The following TANC2 variants were observed in gnomAD, a reference collection of about 807,000 sequenced individuals.
TANC2 encodes tetratricopeptide repeat, ankyrin repeat and coiled-coil containing 2.
A neutral mutation model predicts 210.5 loss-of-function variants in TANC2; 26 were observed. The ratio of observed to expected loss-of-function variants is 0.12; its 90% CI spans 0.09 to 0.17. The LOEUF is 0.17. TANC2 is among the 10% of genes least tolerant of loss of function. The pLI is 1.00. For missense variants in TANC2, 2,129 were observed against 2,608.9 expected (o/e 0.82, Z 4.01); for synonymous variants, 931 against 967.1 (o/e 0.96, Z 0.69).
chr17:63,062,642 G>T (rs540093064), intron 2 of TANC2, among the ~76,000 whole-genome samples: 1 of 152,110 alleles, frequency 6.6e-6, no homozygotes, highest in East Asian at 1.9e-4. Flanking sequence ...ACACCCTATT[G>T]CTCCCCAGCC....
At chr17:63,083,354 AG>A (rs1228771703) in intron 3 of TANC2, among the ~76,000 whole-genome samples, 1 of 152,188 alleles carries the variant, frequency 6.6e-6, no homozygotes, top group African/African-American at 2.4e-5. Flanking sequence ...TAAGAGAAAA[AG>A]ATTCCCTTCT....
intron 4 of TANC2, among the ~76,000 whole-genome samples, chr17:63,140,321 C>T (rs147633966): frequency 1.4e-3 from 210 of 152,270 alleles, no homozygotes; most frequent in African/African-American, 4.9e-3. Context: ...ACTATATTGC[C>T]ATAACAAACC....
intron 5 of TANC2, among the ~76,000 whole-genome samples, chr17:63,185,840 G>T (rs989249291): frequency 1.3e-5 from 2 of 151,974 alleles, no homozygotes; most frequent in Non-Finnish European, 2.9e-5. Context: ...TTTTTAATTG[G>T]ATTGTCTTTC....
chr17:63,341,904 G>A (rs1489970888), intron 12 of TANC2, among the ~76,000 whole-genome samples: 1 of 152,160 alleles, frequency 6.6e-6, no homozygotes, highest in Admixed American at 6.5e-5. Flanking sequence ...ATTATTCACT[G>A]TTATCCTTAG....
chr17:62,990,982 A>C (rs1332805397), intron 1 of TANC2, among the ~76,000 whole-genome samples: 1 of 152,218 alleles, frequency 6.6e-6, no homozygotes, highest in Non-Finnish European at 1.5e-5. Context: ...GAAAAGGGTC[A>C]GTTGAGATTT....
chr17:63,041,075 C>CA (rs1258628457), intron 2 of TANC2, among the ~76,000 whole-genome samples: 2 of 151,872 alleles, frequency 1.3e-5, no homozygotes, highest in African/African-American at 4.8e-5. Flanking sequence ...TTACTGTAGA[C>CA]AAAAATAATA....
chr17:63,398,861 A>C (rs1374165658), exon 19 of TANC2: 1 of 1,597,874 alleles, frequency 6.3e-7, no homozygotes, highest in South Asian at 1.1e-5. Flanking sequence ...AAAGATGAAG[A>C]GGAAGTAGAG....
intron 9 of TANC2, among the ~76,000 whole-genome samples, chr17:63,296,317 A>G (rs1410111558): frequency 6.6e-6 from 1 of 152,196 alleles, no homozygotes; most frequent in Non-Finnish European, 1.5e-5. Flanking sequence ...CTGAGATAAT[A>G]GAAGAGAGAC....
At chr17:63,319,236 T>G (rs1486270301) in intron 11 of TANC2, 146 bp downstream of exon 11, 4 of 884,034 alleles carry the variant, frequency 4.5e-6, no homozygotes, top group Non-Finnish European at 5.1e-6. Context: ...TCTTTGATAT[T>G]CCTAGAAAAA....
chr17:63,162,084 C>T (rs989017137), intron 5 of TANC2, among the ~76,000 whole-genome samples: 2 of 152,002 alleles, frequency 1.3e-5, no homozygotes, highest in African/African-American at 4.8e-5. Context: ...ACGGGAGGAT[C>T]ATTCGAGGCC....
At chr17:63,328,627 T>A (rs1430900227) in intron 11 of TANC2, among the ~76,000 whole-genome samples, 2 of 151,264 alleles carry the variant, frequency 1.3e-5, no homozygotes, top group African/African-American at 4.9e-5. Flanking sequence ...TACCAGAGAC[T>A]GGGAGTGTGA....
chr17:63,256,736 A>T lies in TANC2; in HGVS notation c.1034-11012A>T, dbSNP rs1047551863. 3.3e-5 allele frequency among the ~76,000 whole-genome samples: 5 copies of T among 152,304 alleles called. No homozygotes were observed. The Middle Eastern group carries it at 0.01, about 311-fold the overall frequency. ...TGTATTCAAATCTGTCTATCTCTTT[A>T]GCTCTAATAATAATTGGGTGCTCCA... On this transcript the variant is annotated intron_variant, in intron 8 of 27. Transcript: ENST00000689528.
At chr17:63,037,594 A>C (rs2035023836) in intron 2 of TANC2, among the ~76,000 whole-genome samples, 1 of 152,086 alleles carries the variant, frequency 6.6e-6, no homozygotes, top group Non-Finnish European at 1.5e-5. Context: ...CAGGCGGATT[A>C]CCTGAGGTCA....
At chr17:63,246,683 C>T (rs1322517487) in intron 8 of TANC2, among the ~76,000 whole-genome samples, 2 of 152,118 alleles carry the variant, frequency 1.3e-5, no homozygotes, top group Non-Finnish European at 2.9e-5. Context: ...CACTGTATGA[C>T]TGTACCATAT....
intron 18 of TANC2, among the ~76,000 whole-genome samples, chr17:63,398,287 G>GA (rs951336991): frequency 1.4e-4 from 21 of 148,288 alleles, no homozygotes; most frequent in Non-Finnish European, 1.3e-4. Context: ...CTCTGGGGAA[G>GA]AAAAAAAAAA....
exon 17 of TANC2, chr17:63,389,439 G>A (rs1412404508): frequency 6.2e-7 from 1 of 1,613,928 alleles, no homozygotes; most frequent in Admixed American, 1.7e-5. Context: ...TGGAGTTCGG[G>A]GCCAACGTGG....
At chr17:63,315,685 T>C (rs2045292738) in intron 10 of TANC2, among the ~76,000 whole-genome samples, 1 of 152,186 alleles carries the variant, frequency 6.6e-6, no homozygotes, top group Non-Finnish European at 1.5e-5. Flanking sequence ...TGTGAGATAA[T>C]AGTAGTTACA....
At chr17:63,178,607 G>A (rs1403891923) in intron 5 of TANC2, among the ~76,000 whole-genome samples, 1 of 152,238 alleles carries the variant, frequency 6.6e-6, no homozygotes. Context: ...TGCTTTGGCA[G>A]TTGGGCCAAA....
At position 63,135,598 on chromosome 17, in the gene TANC2, CAG is replaced by C. The variant is rs1194104494; in HGVS notation, c.323-15668_323-15667del. Among the ~76,000 whole-genome samples, 3 of 151,978 alleles carry C rather than the reference CAG, an allele frequency of 2.0e-5. No individual in the cohort carries two copies. The East Asian group carries it at 5.8e-4, about 29-fold the overall frequency. Reference sequence around the variant, plus strand: ...AAGGCCATATATTACAAAATTTTAACAGAGATAGGATTTCTGGTAAATTTTAT... The same window carrying C: ...AAGGCCATATATTACAAAATTTTAACAGATAGGATTTCTGGTAAATTTTAT... On this transcript the variant is annotated intron_variant, in intron 4 of 27. Coordinates refer to ENST00000689528, the Ensembl canonical transcript of TANC2.
Sources: allele counts gnomAD v4.1 joint callset (sites outside exome capture counted in the v4.1 genomes callset), GRCh38; gene constraint gnomAD v4.1.1; transcripts MANE v1.5; gene names NCBI Gene and HGNC (gene_info 2026-07-23, HGNC 2026-07-21).